CD226: variants seen among roughly 807,000 people sequenced by gnomAD.
CD226 encodes the protein CD226 antigen.
Under a neutral mutation model 34.9 loss-of-function variants are expected in CD226, and 24 were observed. The ratio of observed to expected loss-of-function variants is 0.69; its 90% CI spans 0.50 to 0.97. The LOEUF (loss-of-function observed/expected upper bound fraction) is 0.97, where lower values mean the gene tolerates loss of function less well. Ranked by LOEUF, CD226 falls within the 50% of genes least tolerant of loss-of-function variation. The pLI, the probability that CD226 is intolerant of heterozygous loss-of-function variation, is 0.00. For missense variants in CD226, 397 were observed against 412.7 expected (o/e 0.96, Z 0.33); for synonymous variants, 148 against 147.4 (o/e 1.00, Z -0.03).
At chr18:69,920,402 A>T (rs2055437032) in intron 2 of CD226, among the ~76,000 whole-genome samples, 1 of 152,224 alleles carries the variant, frequency 6.6e-6, no homozygotes, top group African/African-American at 2.4e-5. Context: ...ACAAGATAAA[A>T]ACAATGCTTC....
chr18:69,947,815 GT>G lies in CD226; in HGVS notation c.-410del, dbSNP rs1290618962. On this transcript the variant is annotated 5_prime_UTR_variant, in exon 1 of 6. The change creates a premature stop within an existing upstream ORF in the 5' untranslated region. Coordinates refer to ENST00000582621, the MANE Select transcript of CD226 (RefSeq NM_001303618.2). ...AGGAGGCAGAAACTAAAATAAAGAT[GT>G]AAAAATATAAATAATAAGTGAAAGG... 3 of 154,330 alleles carry G rather than the reference GT, an allele frequency of 1.9e-5. No homozygotes were observed. The highest frequency in any genetic ancestry group is 4.3e-5 in the Non-Finnish European group (3 of 69,662). 9.6% of individuals were successfully genotyped at this position (154,330 alleles called of 1,614,324 possible).
intron 5 of CD226, among the ~76,000 whole-genome samples, chr18:69,864,726 A>C (rs1983031319): frequency 6.6e-6 from 1 of 152,212 alleles, no homozygotes; most frequent in African/African-American, 2.4e-5. Context: ...TGATAAGAAC[A>C]ATTACTATCA....
chr18:69,899,564 G>A (rs537964976), intron 2 of CD226, among the ~76,000 whole-genome samples: 9 of 152,222 alleles, frequency 5.9e-5, no homozygotes, highest in African/African-American at 1.9e-4. Flanking sequence ...GCATCTATAA[G>A]GAAGTTAAGC....
chr18:69,958,875 T>C (rs1378871626), upstream of CD226, among the ~76,000 whole-genome samples: 1 of 152,126 alleles, frequency 6.6e-6, no homozygotes, highest in East Asian at 1.9e-4. Context: ...ATTTTGTTTT[T>C]TATTTTTATT....
chr18:69,905,942 T>C (rs2055247695), intron 2 of CD226, among the ~76,000 whole-genome samples: 1 of 152,220 alleles, frequency 6.6e-6, no homozygotes, highest in South Asian at 2.1e-4. Context: ...GAAGAAAATC[T>C]ATTTAGGACT....
intron 2 of CD226, 112 bp from the exon 3 acceptor site, chr18:69,896,157 G>C: frequency 1.4e-6 from 2 of 1,444,766 alleles, no homozygotes; most frequent in Non-Finnish European, 1.8e-6. Context: ...CAGTTCTTCC[G>C]TTGTGAATGA....
chr18:69,959,682 T>G (rs2055920484), upstream of CD226, among the ~76,000 whole-genome samples: 1 of 152,104 alleles, frequency 6.6e-6, no homozygotes, highest in Non-Finnish European at 1.5e-5. Flanking sequence ...CAACCCCTAT[T>G]AAAATAATAG....
rs139317650 is a variant in CD226, at chr18:69,946,819, A to G, written c.297T>C (p.Ser99=). 9.9e-6 allele frequency: 16 copies of G among 1,614,052 alleles called. No homozygotes were observed. The highest frequency in any genetic ancestry group is 5.0e-5 in the Admixed American group (3 of 60,008). The change falls in exon 2 of 6, where the codon TCT becomes TCC. Residue 99 remains serine (S), a synonymous_variant. Coordinates refer to ENST00000582621, the MANE Select transcript of CD226 (RefSeq NM_001303618.2). ...AGGAATAGTAGCCAACATCATCTTC[A>G]GAGGCATTCCGAAAGAAAAGAGTCA... ...NNMTLFFRNA[S]EDDVGYYSCS...
At chr18:69,944,270 G>T (rs1040196832) in intron 2 of CD226, among the ~76,000 whole-genome samples, 1 of 152,108 alleles carries the variant, frequency 6.6e-6, no homozygotes, top group Admixed American at 6.5e-5. Context: ...CATGGCTAAG[G>T]ATACCATCAT....
chr18:69,911,850 A>C lies in CD226; in HGVS notation c.383-15805T>G, dbSNP rs541334953. 1.5e-4 allele frequency among the ~76,000 whole-genome samples: 23 copies of C among 152,236 alleles called. No individual in the cohort carries two copies. In the South Asian group the frequency reaches 2.5e-3, roughly 16 times the overall value. On this transcript the variant is annotated intron_variant, in intron 2 of 5. Transcript: ENST00000582621. The stretch of plus-strand genomic sequence containing the variant: ...TTTACATGTGTGTATGTGTGTGTGC[A>C]TATGTGTGTGTGTATTACTAATAAG...
chr18:69,937,631 C>T lies in CD226; in HGVS notation c.382+9103G>A, dbSNP rs532249983. Among the ~76,000 whole-genome samples the T allele has an allele frequency of 1.5e-4, 23 of 152,242 alleles. 1 individual carries two copies. The South Asian group carries it at 4.8e-3, about 32-fold the overall frequency. ...AACATTACATTGTACATTGTAGATT[C>T]TCAGGAAAGACTTGATGAGTGAATT... On this transcript the variant is annotated intron_variant, in intron 2 of 5. Coordinates refer to ENST00000582621, the MANE Select transcript of CD226 (RefSeq NM_001303618.2).
intron 2 of CD226, among the ~76,000 whole-genome samples, chr18:69,902,645 T>C (rs1014871491): frequency 6.6e-6 from 1 of 151,612 alleles, no homozygotes; most frequent in Non-Finnish European, 1.5e-5. Context: ...GCCTATCTAC[T>C]CTCCTTGTTC....
chr18:69,945,559 AAGAT>A (rs1398259128), intron 2 of CD226, among the ~76,000 whole-genome samples: 1 of 152,154 alleles, frequency 6.6e-6, no homozygotes, highest in Non-Finnish European at 1.5e-5. Flanking sequence ...GATGAGGTGA[AAGAT>A]AGAGCCAGGG....
chr18:69,960,542 T>C (rs2055925196), upstream of CD226, among the ~76,000 whole-genome samples: 1 of 152,168 alleles, frequency 6.6e-6, no homozygotes, highest in Non-Finnish European at 1.5e-5. Context: ...CTCCACTACC[T>C]GGGTTCAAGT....
upstream of CD226, among the ~76,000 whole-genome samples, chr18:69,948,073 T>A (rs1056556022): frequency 3.3e-5 from 5 of 152,308 alleles, no homozygotes; most frequent in African/African-American, 9.6e-5. Context: ...TCTACCATTA[T>A]GAGAGATTTA....
intron 2 of CD226, among the ~76,000 whole-genome samples, chr18:69,915,114 T>G (rs117008803): frequency 1.1e-3 from 163 of 152,254 alleles, no homozygotes; most frequent in African/African-American, 3.6e-3. Context: ...TCTCACACAA[T>G]AGCACCTGGA....
At chr18:69,914,984 C>T (rs1477661044) in intron 2 of CD226, among the ~76,000 whole-genome samples, 1 of 152,122 alleles carries the variant, frequency 6.6e-6, no homozygotes, top group East Asian at 1.9e-4. Flanking sequence ...CAGAGTTGTT[C>T]ATTTTGGAAA....
At chr18:69,915,700 A>G (rs1452065480) in intron 2 of CD226, among the ~76,000 whole-genome samples, 2 of 152,180 alleles carry the variant, frequency 1.3e-5, no homozygotes, top group Admixed American at 6.5e-5. Flanking sequence ...TCCCCTGCAT[A>G]GTACGCACTT....
intron 1 of CD226, among the ~76,000 whole-genome samples, chr18:69,953,845 C>T (rs1306176807): frequency 6.6e-6 from 1 of 151,898 alleles, no homozygotes; most frequent in Non-Finnish European, 1.5e-5. Flanking sequence ...ACTAAAAATA[C>T]AAAAATTAGC....
Sources: gnomAD v4.1 joint callset for allele counts (sites outside exome capture counted in the v4.1 genomes callset) on GRCh38, gnomAD v4.1.1 for gene constraint, MANE v1.5 for transcripts, NCBI Gene and HGNC (gene_info 2026-07-23, HGNC 2026-07-21) for gene names.